Variants in ZNF683 observed in about 807,000 individuals in gnomAD.
ZNF683 encodes the protein zinc finger protein 683, also known as tissue-resident T-cell transcription regulator protein ZNF683.
Under a neutral mutation model 31.4 loss-of-function variants are expected in ZNF683, and 20 were observed. The observed-to-expected ratio is 0.64, with a 90% CI of 0.45 to 0.93. The LOEUF is 0.93. Among genes scored for constraint, ZNF683 ranks in the 40% least tolerant of loss-of-function variants. The probability of loss-of-function intolerance (pLI) is 0.00; values close to 1 mark genes in which losing one functional copy is unlikely to be tolerated. For missense variants in ZNF683, 621 were observed against 637.2 expected (o/e 0.97, Z 0.27); for synonymous variants, 264 against 267.6 (o/e 0.99, Z 0.13).
chr1:26,361,829 G>T lies in ZNF683; in HGVS notation c.1337C>A (p.Ala446Asp), dbSNP rs1420593943. 1 of 1,614,066 alleles carries T rather than the reference G, an allele frequency of 6.2e-7. No homozygotes were observed. The highest frequency in any genetic ancestry group is 1.7e-5 in the Admixed American group (1 of 60,034). The change falls in exon 6 of 6, where the codon GCC becomes GAC. Residue 446 changes from alanine to aspartate, a missense_variant. Coordinates refer to ENST00000349618, the MANE Select transcript of ZNF683 (RefSeq NM_001114759.3). The part of the protein sequence containing the change: ...VHTQLPLASL[A>D]CLAQWHQGAL... The stretch of plus-strand genomic sequence containing the variant: ...CCCCTGGTGCCATTGGGCAAGGCAG[G>T]CCAGAGAGGCCAGGGGCAGCTGGGT...
At position 26,363,129 on chromosome 1, in the gene ZNF683, T is replaced by C. The variant is rs1040612487; in HGVS notation, c.1040A>G (p.Glu347Gly). The change falls in exon 5 of 6, where the codon GAG (glutamate) becomes GGG (glycine). Residue 347 changes from glutamate to glycine, a missense_variant. Coordinates refer to ENST00000349618, the MANE Select transcript of ZNF683 (RefSeq NM_001114759.3). ...LKVHLRVHSG[E>G]RPFQCALCQK... ...GCACAAGGCACACTGGAATGGACGC[T>C]CTCCACTGTGCACACGCAGGTGGAC... The C allele has an allele frequency of 1.4e-5, 22 of 1,612,394 alleles. No homozygotes were observed. Among genetic ancestry groups the C allele is most frequent in the African/African-American group, 2.7e-5 (2 of 74,870 alleles).
At chr1:26,370,215 G>T (rs1273960692) in intron 1 of ZNF683, among the ~76,000 whole-genome samples, 1 of 152,162 alleles carries the variant, frequency 6.6e-6, no homozygotes, top group African/African-American at 2.4e-5. Context: ...CCACCAAGGG[G>T]AATCCTGCAT....
At chr1:26,363,411 A>G (rs534565695) in intron 4 of ZNF683, among the ~76,000 whole-genome samples, 1 of 152,332 alleles carries the variant, frequency 6.6e-6, no homozygotes, top group Non-Finnish European at 1.5e-5. Flanking sequence ...CAGTGCTGGT[A>G]TCACACTTTG....
At chr1:26,365,253 A>T in intron 3 of ZNF683, 27 bp from the exon 4 acceptor site, 1 of 1,555,794 alleles carries the variant, frequency 6.4e-7, no homozygotes, top group Non-Finnish European at 8.7e-7. Context: ...AGGCGGTCAG[A>T]TCCCCACAGT....
chr1:26,364,266 G>A (rs1349955760), intron 4 of ZNF683, among the ~76,000 whole-genome samples: 1 of 152,188 alleles, frequency 6.6e-6, no homozygotes, highest in Admixed American at 6.5e-5. Flanking sequence ...GGTAATCTTA[G>A]GCAAACGCTG....
Position 26,361,813 on chromosome 1 carries a change from C to A in ZNF683, c.1353G>T (p.Trp451Cys). 1 of 1,614,050 alleles carries A rather than the reference C, an allele frequency of 6.2e-7. No individual in the cohort carries two copies. Among genetic ancestry groups the A allele is most frequent in the South Asian group, 1.1e-5 (1 of 91,088 alleles). The part of the protein sequence containing the change: ...PLASLACLAQ[W>C]HQGALDLMAV... ...CCATAAGATCTAGTGCCCCCTGGTG[C>A]CATTGGGCAAGGCAGGCCAGAGAGG... is the stretch of plus-strand genomic sequence containing the variant. Residue 451 changes from tryptophan (W) to cysteine (C), a missense_variant, in exon 6 of 6, where the codon TGG becomes TGT. Trp to Cys is a radical substitution (Grantham distance 215). Transcript: ENST00000349618.
chr1:26,368,789 T>A (rs2074594633), intron 1 of ZNF683, among the ~76,000 whole-genome samples: 1 of 152,234 alleles, frequency 6.6e-6, no homozygotes, highest in Non-Finnish European at 1.5e-5. Flanking sequence ...TAGAAGCCAG[T>A]GATGCTCTCC....
At chr1:26,367,533 A>G in intron 3 of ZNF683, 60 bp downstream of exon 3, 1 of 1,451,640 alleles carries the variant, frequency 6.9e-7, no homozygotes, top group Non-Finnish European at 9.2e-7. Context: ...CAAACCTAGC[A>G]GTGCCCCCCA....
Position 26,363,008 on chromosome 1 carries a change from G to C in ZNF683, c.1143+18C>G. 1 of 1,601,756 alleles carries C rather than the reference G, an allele frequency of 6.2e-7. No individual in the cohort carries two copies. Among genetic ancestry groups the C allele is most frequent in the Non-Finnish European group, 8.5e-7 (1 of 1,173,114 alleles). On this transcript the variant is annotated intron_variant, in intron 5 of 5. Coordinates refer to ENST00000349618, the MANE Select transcript of ZNF683 (RefSeq NM_001114759.3). ...CTCCAGCCTATAGGAGTACATAGTA[G>C]GGGGAGAAGGATCTCACCGAGCACT...
intron 1 of ZNF683, among the ~76,000 whole-genome samples, chr1:26,372,152 G>A (rs2074684954): frequency 6.6e-6 from 1 of 152,118 alleles, no homozygotes; most frequent in South Asian, 2.1e-4. Flanking sequence ...ACGCCACCCT[G>A]GTGTCCCAGA....
intron 4 of ZNF683, among the ~76,000 whole-genome samples, chr1:26,363,709 C>A (rs751928352): frequency 4.2e-4 from 58 of 139,230 alleles, no homozygotes; most frequent in Non-Finnish European, 7.5e-4. Context: ...TTGAGACCAG[C>A]GTGGGCGACA....
At chr1:26,371,211 A>G (rs1475760689) in intron 1 of ZNF683, among the ~76,000 whole-genome samples, 2 of 152,224 alleles carry the variant, frequency 1.3e-5, no homozygotes, top group African/African-American at 4.8e-5. Flanking sequence ...ACAGAGATAC[A>G]GCAAACACGT....
chr1:26,361,865 C>T lies in ZNF683; in HGVS notation c.1301G>A (p.Gly434Asp). The T allele has an allele frequency of 6.2e-7, 1 of 1,614,004 alleles. No individual in the cohort carries two copies. ...HHRLHAPQPC[G>D]LVHTQLPLAS... ...CAGGGGCAGCTGGGTGTGCACCAGG[C>T]CACAGGGCTGTGGGGCATGCAGCCG... Residue 434 changes from glycine to aspartate, a missense_variant, in exon 6 of 6, where the codon GGC (glycine) becomes GAC (aspartate). Physicochemically the swap from Gly to Asp is moderately conservative, Grantham distance 94. Transcript: ENST00000349618.
At chr1:26,363,856 G>A (rs2074447924) in intron 4 of ZNF683, among the ~76,000 whole-genome samples, 1 of 152,156 alleles carries the variant, frequency 6.6e-6, no homozygotes, top group Non-Finnish European at 1.5e-5. Context: ...GTGGTCTGAG[G>A]CTCATGAAAG....
chr1:26,364,762 C>T lies in ZNF683; in HGVS notation c.784G>A (p.Ala262Thr). The T allele has an allele frequency of 2.5e-6, 4 of 1,612,496 alleles. No individual in the cohort carries two copies. Among genetic ancestry groups the T allele is most frequent in the Non-Finnish European group, 3.4e-6 (4 of 1,179,000 alleles). The change falls in exon 4 of 6, where the codon GCC (alanine) becomes ACC (threonine). Residue 262 changes from alanine (A) to threonine (T), a missense_variant. Transcript: ENST00000349618. Reference sequence around the variant, plus strand: ...TGGGAAGGCAGAGCTTGGCCAGAGGCTTGGAAGGCCCCTGGGTAGGGAAGC... The same window carrying T: ...TGGGAAGGCAGAGCTTGGCCAGAGGTTTGGAAGGCCCCTGGGTAGGGAAGC... The part of the protein sequence containing the change: ...TLLPYPGAFQ[A>T]SGQALPSQAR...
chr1:26,366,878 G>A (rs1015413160), intron 3 of ZNF683, among the ~76,000 whole-genome samples: 3 of 152,072 alleles, frequency 2.0e-5, no homozygotes, highest in Non-Finnish European at 4.4e-5. Flanking sequence ...GGATGGTCTC[G>A]ATCTCCTGAC....
At chr1:26,367,568 G>A (rs75541583) in intron 3 of ZNF683, 25 bp downstream of exon 3, 1 of 1,541,026 alleles carries the variant, frequency 6.5e-7, no homozygotes, top group Admixed American at 2.0e-5. Context: ...CCAGGCGCAG[G>A]TGCAGCCCGG....
intron 3 of ZNF683, 35 bp downstream of exon 3, chr1:26,367,558 C>T (rs760675501): frequency 2.0e-6 from 3 of 1,511,454 alleles, no homozygotes; most frequent in Middle Eastern, 4.8e-4. Context: ...CCAGCCTCTG[C>T]CAGGCGCAGG....
In ZNF683 at chr1:26,367,394, G is replaced by A. The variant is rs144717616; in HGVS notation, c.319+199C>T. On this transcript the variant is annotated intron_variant, in intron 3 of 5. Coordinates refer to ENST00000349618, the MANE Select transcript of ZNF683 (RefSeq NM_001114759.3). ...TGAGAAGCCAGTGCCCAGCTTCTCTGGCTTAGGTATCACCACTCGAAAGCC... is the reference window on the plus strand; with the variant it reads ...TGAGAAGCCAGTGCCCAGCTTCTCTAGCTTAGGTATCACCACTCGAAAGCC... 8.8e-3 allele frequency among the ~76,000 whole-genome samples: 1,336 copies of A among 152,238 alleles called. 19 individuals carry two copies. Among genetic ancestry groups the A allele is most frequent in the African/African-American group, 0.031 (1,277 of 41,534 alleles).
Sources: gnomAD v4.1 joint callset for allele counts (sites outside exome capture counted in the v4.1 genomes callset) on GRCh38, gnomAD v4.1.1 for gene constraint, MANE v1.5 for transcripts, NCBI Gene and HGNC (gene_info 2026-07-23, HGNC 2026-07-21) for gene names.